Variants in EIF4G3 observed in about 807,000 individuals in gnomAD.
EIF4G3 encodes the protein eIF-4-gamma 3.
EIF4G3 carries 34 observed loss-of-function variants against 186.4 expected under a neutral mutation model. The observed-to-expected ratio is 0.18, with a 90% confidence interval of 0.14 to 0.24. The LOEUF is 0.24. Ranked by LOEUF, EIF4G3 falls within the 10% of genes least tolerant of loss-of-function variation. The pLI, the probability that EIF4G3 is intolerant of heterozygous loss-of-function variation, is 1.00. For synonymous variants in EIF4G3, 673 were observed against 679.5 expected, an observed-to-expected ratio of 0.99 and a Z score of 0.15; for missense variants, 1,536 against 1,948.5, an observed-to-expected ratio of 0.79 and a Z score of 3.99.
At chr1:20,899,613 G>A (rs191121184) in intron 16 of EIF4G3, 84 bp downstream of exon 16, 1 of 1,492,194 alleles carries the variant, frequency 6.7e-7, no homozygotes, top group East Asian at 2.3e-5. Context: ...CTTCCATCCA[G>A]TATCTCTCTA....
chr1:21,144,966 C>T (rs555068163), intron 2 of EIF4G3, among the ~76,000 whole-genome samples: 2 of 152,218 alleles, frequency 1.3e-5, no homozygotes, highest in South Asian at 2.1e-4. Context: ...TTGTTTTCTG[C>T]TAGCTAGAGT....
chr1:21,100,891 C>T lies in EIF4G3; in HGVS notation c.-271-11678G>A, dbSNP rs1312383603. 2.0e-5 allele frequency among the ~76,000 whole-genome samples: 3 copies of T among 152,152 alleles called. No homozygotes were observed. In the East Asian group the frequency reaches 5.8e-4, roughly 29 times the overall value. On this transcript the variant is annotated intron_variant, in intron 2 of 36. Transcript: ENST00000602326. ...AAGCAATATAGGATCATCCACACTC[C>T]TCAAATCTTGCTTAATGACTTCACA...
chr1:21,175,072 A>G (rs1232127209), intron 2 of EIF4G3: 1 of 152,218 alleles, frequency 6.6e-6, no homozygotes, highest in Non-Finnish European at 1.5e-5. Flanking sequence ...ACAATCTCTA[A>G]AAGTCAAACG....
chr1:20,943,473 A>T (rs2154562550), intron 13 of EIF4G3, among the ~76,000 whole-genome samples: 1 of 152,360 alleles, frequency 6.6e-6, no homozygotes, highest in South Asian at 2.1e-4. Flanking sequence ...GTAAATTGAT[A>T]TGTGATTCAT....
At chr1:20,869,795 A>T (rs1334461798) in intron 20 of EIF4G3, among the ~76,000 whole-genome samples, 1 of 151,568 alleles carries the variant, frequency 6.6e-6, no homozygotes, top group African/African-American at 2.4e-5. Flanking sequence ...AAAAAAAAAA[A>T]AAGTGAAGTA....
chr1:20,930,192 G>A (rs2095236709), intron 14 of EIF4G3, among the ~76,000 whole-genome samples: 1 of 152,130 alleles, frequency 6.6e-6, no homozygotes, highest in African/African-American at 2.4e-5. Context: ...GATGATGATG[G>A]CTGCTGCCCT....
chr1:21,113,024 T>C (rs923759903), intron 2 of EIF4G3, among the ~76,000 whole-genome samples: 6 of 152,028 alleles, frequency 3.9e-5, no homozygotes, highest in African/African-American at 1.4e-4. Context: ...CTGAGTGCAG[T>C]GGCTCATGCC....
In EIF4G3 at chr1:21,109,232, G is replaced by A. The variant is rs141115996; in HGVS notation, c.-271-20019C>T. ...GACTGTCTCAAGGAAAAAGCTACAAGGGTTTTGTACCCTTACTTTGTTTCA... is the reference window on the plus strand; with the variant it reads ...GACTGTCTCAAGGAAAAAGCTACAAAGGTTTTGTACCCTTACTTTGTTTCA... On this transcript the variant is annotated intron_variant, in intron 2 of 36. Coordinates refer to ENST00000602326, the MANE Select transcript of EIF4G3 (RefSeq NM_001391906.1). 4.3e-4 allele frequency among the ~76,000 whole-genome samples: 65 copies of A among 152,194 alleles called. 1 individual carries two copies. Among genetic ancestry groups the A allele is most frequent in the African/African-American group, 1.4e-3 (57 of 41,548 alleles).
chr1:20,853,286 G>A (rs2073913432), intron 27 of EIF4G3, among the ~76,000 whole-genome samples: 2 of 152,264 alleles, frequency 1.3e-5, no homozygotes, highest in South Asian at 2.1e-4. Flanking sequence ...AGAACATCTG[G>A]AGGATTAGCT....
chr1:20,845,175 G>A (rs2070395523), intron 29 of EIF4G3, among the ~76,000 whole-genome samples: 1 of 152,168 alleles, frequency 6.6e-6, no homozygotes, highest in African/African-American at 2.4e-5. Flanking sequence ...TTCCGCTTAT[G>A]ACTAGCCAGG....
intron 19 of EIF4G3, among the ~76,000 whole-genome samples, chr1:20,881,392 A>G (rs2082271854): frequency 6.6e-6 from 1 of 152,230 alleles, no homozygotes; most frequent in Admixed American, 6.5e-5. Context: ...AAGACAACAT[A>G]GTAGAAAAGT....
At chr1:21,026,925 A>T in intron 4 of EIF4G3, among the ~76,000 whole-genome samples, 1 of 141,880 alleles carries the variant, frequency 7.0e-6, no homozygotes, top group African/African-American at 2.6e-5. Flanking sequence ...TGACAGAGGG[A>T]GACACTGTCT....
chr1:20,871,800 G>A (rs1392703085), intron 20 of EIF4G3, among the ~76,000 whole-genome samples: 2 of 151,990 alleles, frequency 1.3e-5, no homozygotes, highest in Non-Finnish European at 2.9e-5. Context: ...AAAAGCAATT[G>A]GGTAGACTCC....
chr1:21,117,453 T>C (rs1015240472), intron 2 of EIF4G3, among the ~76,000 whole-genome samples: 5 of 152,146 alleles, frequency 3.3e-5, no homozygotes, highest in Non-Finnish European at 5.9e-5. Context: ...GTGTATTTTC[T>C]TTATCCAAAT....
chr1:20,861,025 G>A (rs2076202743), intron 23 of EIF4G3, among the ~76,000 whole-genome samples: 1 of 152,084 alleles, frequency 6.6e-6, no homozygotes, highest in African/African-American at 2.4e-5. Flanking sequence ...TCTACACAAA[G>A]GTCCATACCA....
chr1:21,032,161 T>C (rs2092800270), intron 4 of EIF4G3, among the ~76,000 whole-genome samples: 1 of 152,216 alleles, frequency 6.6e-6, no homozygotes, highest in African/African-American at 2.4e-5. Context: ...TTTTCTACTA[T>C]ATCCATTAAC....
intron 31 of EIF4G3, among the ~76,000 whole-genome samples, chr1:20,828,211 T>C (rs532308936): frequency 2.0e-5 from 3 of 152,146 alleles, no homozygotes; most frequent in African/African-American, 7.2e-5. Flanking sequence ...TTTTGCATTT[T>C]AGTAGAGACA....
chr1:21,018,517 G>A (rs34536992), intron 4 of EIF4G3, among the ~76,000 whole-genome samples: 4,168 of 151,290 alleles, frequency 0.028, 87 homozygotes, highest in Non-Finnish European at 0.038. Flanking sequence ...CTGAGATCAC[G>A]CCACTGCACT....
intron 24 of EIF4G3, among the ~76,000 whole-genome samples, 154 bp from the exon 25 acceptor site, chr1:20,857,651 A>C (rs2075349696): frequency 6.6e-6 from 1 of 152,190 alleles, no homozygotes; most frequent in South Asian, 2.1e-4. Flanking sequence ...AGGAAAATAT[A>C]AGCAGAAGCA....
Sources: allele counts gnomAD v4.1 joint callset (sites outside exome capture counted in the v4.1 genomes callset), GRCh38; gene constraint gnomAD v4.1.1; transcripts MANE v1.5; gene names NCBI Gene and HGNC (gene_info 2026-07-23, HGNC 2026-07-21).